Variants in QRSL1 observed in about 807,000 individuals in gnomAD.
QRSL1 encodes the protein glutaminyl-tRNA amidotransferase subunit QRSL1, also known as glutamyl-tRNA(Gln) amidotransferase subunit A, mitochondrial.
QRSL1 carries 54 observed loss-of-function variants against 61.6 expected under a neutral mutation model. The ratio of observed to expected loss-of-function variants is 0.88; its 90% CI spans 0.70 to 1.10. The LOEUF is 1.10. Ranked by LOEUF, QRSL1 falls within the 50% of genes least tolerant of loss-of-function variation. The pLI is 0.00. For missense variants in QRSL1, 505 were observed against 622.6 expected, an observed-to-expected ratio of 0.81 and a Z score of 2.01; for synonymous variants, 228 against 225.7, an observed-to-expected ratio of 1.01 and a Z score of -0.09.
At chr6:106,660,378 G>T (rs1255517437) in intron 9 of QRSL1, among the ~76,000 whole-genome samples, 1 of 150,156 alleles carries the variant, frequency 6.7e-6, no homozygotes, top group Non-Finnish European at 1.5e-5. Context: ...GTAGAGACAG[G>T]ATCTCCCTGT....
At chr6:106,641,008 A>C in intron 3 of QRSL1, 87 bp downstream of exon 3, 8 of 880,366 alleles carry the variant, frequency 9.1e-6, no homozygotes, top group Non-Finnish European at 1.4e-5. Context: ...AGATAATCTC[A>C]GACTAATTAT....
intron 2 of QRSL1, 23 bp downstream of exon 2, chr6:106,640,531 T>A (rs142033981): frequency 2.6e-4 from 389 of 1,503,326 alleles, no homozygotes; most frequent in Non-Finnish European, 3.3e-4. Context: ...TAACTATACT[T>A]AATTGTTATA....
chr6:106,658,028 T>TA (rs1378016845), intron 9 of QRSL1, among the ~76,000 whole-genome samples: 20 of 152,170 alleles, frequency 1.3e-4, no homozygotes, highest in Non-Finnish European at 2.8e-4. Flanking sequence ...TTAATTGACA[T>TA]AAATATTTAC....
At chr6:106,652,606 T>C in intron 7 of QRSL1, 24 bp downstream of exon 7, 2 of 1,614,010 alleles carry the variant, frequency 1.2e-6, no homozygotes, top group Non-Finnish European at 1.7e-6. Flanking sequence ...TTCATTACTT[T>C]ACAGAAATAC....
chr6:106,650,150 T>A (rs1009714756), intron 5 of QRSL1, among the ~76,000 whole-genome samples: 4 of 152,170 alleles, frequency 2.6e-5, no homozygotes, highest in Non-Finnish European at 5.9e-5. Flanking sequence ...GACTGCAGGA[T>A]TAGGTGCTTT....
intron 9 of QRSL1, among the ~76,000 whole-genome samples, chr6:106,657,372 A>G (rs146313332): frequency 1.3e-5 from 2 of 152,374 alleles, no homozygotes; most frequent in Admixed American, 1.3e-4. Flanking sequence ...ACAAAAGGAA[A>G]TAATTTTCTA....
intron 4 of QRSL1, among the ~76,000 whole-genome samples, chr6:106,643,707 T>C (rs1582410671): frequency 6.6e-6 from 1 of 152,026 alleles, no homozygotes; most frequent in Non-Finnish European, 1.5e-5. Flanking sequence ...AATTCTTTCA[T>C]ATATTTTGGA....
In QRSL1 at chr6:106,641,997, A is replaced by G. The variant is rs577752667; in HGVS notation, c.284-997A>G. Among the ~76,000 whole-genome samples the G allele has an allele frequency of 1.6e-4, 24 of 152,354 alleles. No homozygotes were observed. The South Asian group carries it at 4.8e-3, about 30-fold the overall frequency. ...CTGATTATTTAAATTAGGAATAATT[A>G]ATACATATCACTATGAATTGCTTAA... On this transcript the variant is annotated intron_variant, in intron 3 of 10. Coordinates refer to ENST00000369046, the MANE Select transcript of QRSL1 (RefSeq NM_018292.5).
intron 4 of QRSL1, among the ~76,000 whole-genome samples, chr6:106,645,440 T>C (rs1392661017): frequency 1.3e-5 from 2 of 152,028 alleles, no homozygotes; most frequent in African/African-American, 2.4e-5. Flanking sequence ...TTTTTTTTTT[T>C]GAGACAGAAT....
intron 9 of QRSL1, among the ~76,000 whole-genome samples, chr6:106,656,498 C>A (rs76042110): frequency 6.6e-6 from 1 of 152,154 alleles, no homozygotes; most frequent in Non-Finnish European, 1.5e-5. Context: ...TGTGAACAGG[C>A]TTCATCTTCT....
chr6:106,649,264 A>G (rs1777160715), intron 5 of QRSL1, 63 bp downstream of exon 5: 1 of 1,526,948 alleles, frequency 6.5e-7, no homozygotes, highest in East Asian at 2.3e-5. Flanking sequence ...CATAAACTGT[A>G]TCCAGCAATA....
chr6:106,666,457 A>G lies in QRSL1; in HGVS notation c.*455A>G, dbSNP rs1754434289. ...AATTACTTTTTAAAATTCCTGTGAC[A>G]ATTAATAATAAATAACGTGTCAGCA... On this transcript the variant is annotated 3_prime_UTR_variant, in exon 11 of 11. Coordinates refer to ENST00000369046, the MANE Select transcript of QRSL1 (RefSeq NM_018292.5). 1.2e-5 allele frequency: 2 copies of G among 169,534 alleles called. No homozygotes were observed. The highest frequency in any genetic ancestry group is 1.1e-4 in the Admixed American group (2 of 18,520). The allele number at this position is 169,534 out of a possible 1,614,324, so 10.5% of individuals were successfully genotyped here.
chr6:106,655,763 T>C (rs1301051690), intron 9 of QRSL1, 31 bp downstream of exon 9: 1 of 1,347,984 alleles, frequency 7.4e-7, no homozygotes, highest in Non-Finnish European at 1.1e-6. Flanking sequence ...ATTTTCTTCA[T>C]TCTTGAAACC....
chr6:106,654,915 A>G lies in QRSL1; in HGVS notation c.1035A>G (p.Leu345=). The change falls in exon 8 of 11, where the codon CTA becomes CTG. Residue 345 remains leucine (L), a synonymous_variant. Transcript: ENST00000369046. ...CGAATATGGCAAGATTTGATGGGCT[A>G]CAATATGGTAAGATGGCTGGGTTAT... ...VASNMARFDG[L]QYGHRCDIDV... 6.3e-7 allele frequency: 1 copy of G among 1,586,818 alleles called. No individual in the cohort carries two copies. The highest frequency in any genetic ancestry group is 8.6e-7 in the Non-Finnish European group (1 of 1,167,314).
chr6:106,651,038 A>G (rs1266278666), intron 5 of QRSL1, among the ~76,000 whole-genome samples: 1 of 152,162 alleles, frequency 6.6e-6, no homozygotes, highest in African/African-American at 2.4e-5. Context: ...TCTTCAGAAC[A>G]CTTTTCATCT....
intron 9 of QRSL1, among the ~76,000 whole-genome samples, chr6:106,660,845 G>A (rs1040230976): frequency 1.3e-5 from 2 of 152,084 alleles, no homozygotes; most frequent in Admixed American, 1.3e-4. Flanking sequence ...GAAAGCACAT[G>A]GGGGGCTGAA....
chr6:106,640,338 A>G lies in QRSL1; in HGVS notation c.25-11A>G. The G allele has an allele frequency of 1.2e-6, 2 of 1,606,036 alleles. No individual in the cohort carries two copies. Among genetic ancestry groups the G allele is most frequent in the South Asian group, 1.1e-5 (1 of 90,696 alleles). On this transcript the variant is annotated splice_polypyrimidine_tract_variant and intron_variant, in intron 1 of 10. Coordinates refer to ENST00000369046, the MANE Select transcript of QRSL1 (RefSeq NM_018292.5). ...ACTCAGTAAAAGGTTTTTGAATTGT[A>G]TACACTATAGGTTTCTGCGGCACTG...
At chr6:106,657,486 A>T (rs66665063) in intron 9 of QRSL1, among the ~76,000 whole-genome samples, 15,147 of 152,134 alleles carry the variant, frequency 0.1, 1,063 homozygotes, top group African/African-American at 0.19. Flanking sequence ...ATATAGGTCA[A>T]TGTAACAGCA....
intron 9 of QRSL1, among the ~76,000 whole-genome samples, chr6:106,659,722 G>T (rs77764278): frequency 6.6e-6 from 1 of 152,100 alleles, no homozygotes; most frequent in Admixed American, 6.5e-5. Flanking sequence ...TCTTTTCAAG[G>T]CTTCTTTTAA....
Sources: gnomAD v4.1 joint callset for allele counts (sites outside exome capture counted in the v4.1 genomes callset) on GRCh38, gnomAD v4.1.1 for gene constraint, MANE v1.5 for transcripts, NCBI Gene and HGNC (gene_info 2026-07-23, HGNC 2026-07-21) for gene names.